Variants in TENM2 observed in about 807,000 individuals in gnomAD.
TENM2 encodes teneurin-2.
TENM2 carries 52 observed loss-of-function variants against 245.2 expected under a neutral mutation model. The ratio of observed to expected loss-of-function variants is 0.21; its 90% confidence interval spans 0.17 to 0.27. TENM2 has a LOEUF of 0.27. Ranked by LOEUF, TENM2 falls within the 10% of genes least tolerant of loss-of-function variation. The pLI, the probability that TENM2 is intolerant of heterozygous loss-of-function variation, is 1.00. For missense variants in TENM2, 3,046 were observed against 3,666.8 expected, an observed-to-expected ratio of 0.83 and a Z score of 4.37; for synonymous variants, 1,363 against 1,438.9, an observed-to-expected ratio of 0.95 and a Z score of 1.19.
chr5:167,321,577 C>T (rs1756724274), intron 1 of TENM2, among the ~76,000 whole-genome samples: 1 of 152,014 alleles, frequency 6.6e-6, no homozygotes, highest in African/African-American at 2.4e-5. Flanking sequence ...CCCTTGTTTC[C>T]AGCCCAGCGG....
chr5:167,472,006 G>A (rs556485546), intron 2 of TENM2, among the ~76,000 whole-genome samples: 74 of 152,264 alleles, frequency 4.9e-4, no homozygotes, highest in African/African-American at 1.5e-3. Flanking sequence ...CAGGTTGCTC[G>A]CCTATCTTTT....
chr5:167,519,882 A>G (rs1052419414), intron 2 of TENM2, among the ~76,000 whole-genome samples: 1 of 152,202 alleles, frequency 6.6e-6, no homozygotes, highest in African/African-American at 2.4e-5. Context: ...ACTAAATTTT[A>G]AGTGAATGTT....
the TENM2 span, among the ~76,000 whole-genome samples, chr5:167,274,489 A>C: frequency 6.6e-6 from 1 of 152,066 alleles, no homozygotes; most frequent in South Asian, 2.1e-4. Flanking sequence ...TTTTGCATGA[A>C]CATAAGTTTT....
chr5:168,156,580 G>C (rs1157576364), intron 12 of TENM2, among the ~76,000 whole-genome samples: 2 of 152,084 alleles, frequency 1.3e-5, no homozygotes, highest in Non-Finnish European at 2.9e-5. Context: ...TTTTAGAAAA[G>C]CCTTTTATGG....
At chr5:167,952,452 A>T in intron 3 of TENM2, 136 bp from the exon 6 acceptor site, 1 of 698,664 alleles carries the variant, frequency 1.4e-6, no homozygotes, top group Non-Finnish European at 2.5e-6. Context: ...CCGCAGTCTT[A>T]TCTGTCGCTC....
In TENM2 at chr5:167,546,881, G is replaced by C. The variant is rs550391314; in HGVS notation, c.502+171408G>C. Among the ~76,000 whole-genome samples the C allele has an allele frequency of 3.9e-5, 6 of 152,070 alleles. No homozygotes were observed. In the East Asian group the frequency reaches 9.7e-4, roughly 25 times the overall value. ...TATTTCTGTCCCTTTCCCCATAATTGACACCTCAATCATTATGCTGGCCTC... is the reference window on the plus strand; with the variant it reads ...TATTTCTGTCCCTTTCCCCATAATTCACACCTCAATCATTATGCTGGCCTC... On this transcript the variant is annotated intron_variant, in intron 2 of 28. Transcript: ENST00000518659.
At position 167,293,777 on chromosome 5, in the gene TENM2, AT is replaced by A. The variant is rs1001291107; in HGVS notation, c.226+8723del. Among the ~76,000 whole-genome samples the A allele has an allele frequency of 2.0e-4, 30 of 151,926 alleles. 1 individual carries two copies. In the South Asian group the frequency reaches 5.8e-3, roughly 30 times the overall value. On this transcript the variant is annotated intron_variant, in intron 1 of 28. Transcript: ENST00000518659. Reference sequence around the variant, plus strand: ...ATGTAGTGTTGCAACAAAAATTTGGATTTTTTTTTAAAATTTGTTAGATTCC... The same window carrying A: ...ATGTAGTGTTGCAACAAAAATTTGGATTTTTTTTAAAATTTGTTAGATTCC...
the TENM2 span, among the ~76,000 whole-genome samples, chr5:167,221,568 C>A: frequency 3.9e-5 from 6 of 152,016 alleles, no homozygotes; most frequent in East Asian, 1.2e-3. Flanking sequence ...TTAAGGAATC[C>A]AAGGAAAAAC....
chr5:167,709,265 C>A (rs975959794), intron 2 of TENM2, among the ~76,000 whole-genome samples: 2 of 152,168 alleles, frequency 1.3e-5, no homozygotes, highest in African/African-American at 4.8e-5. Flanking sequence ...GTTATTTGAT[C>A]TTTTACTCTA....
At chr5:167,406,460 C>T (rs1762642793) in intron 2 of TENM2, among the ~76,000 whole-genome samples, 1 of 152,134 alleles carries the variant, frequency 6.6e-6, no homozygotes, top group Admixed American at 6.6e-5. Flanking sequence ...GGGGCCTGGT[C>T]AAATCCTTGA....
intron 1 of TENM2, among the ~76,000 whole-genome samples, chr5:167,311,550 C>T (rs1224525880): frequency 1.3e-5 from 2 of 152,194 alleles, no homozygotes; most frequent in East Asian, 3.8e-4. Context: ...GGATATATCA[C>T]ACTGTACTTT....
chr5:167,224,314 T>G, the TENM2 span, among the ~76,000 whole-genome samples: 1 of 152,108 alleles, frequency 6.6e-6, no homozygotes, highest in African/African-American at 2.4e-5. Flanking sequence ...AGTGGCTTTA[T>G]TGTTTTGGGT....
intron 2 of TENM2, among the ~76,000 whole-genome samples, chr5:167,533,122 G>C (rs1040230609): frequency 1.3e-5 from 2 of 152,072 alleles, no homozygotes; most frequent in Non-Finnish European, 2.9e-5. Context: ...AGATAGGAAG[G>C]TAAAAGATTC....
intron 2 of TENM2, among the ~76,000 whole-genome samples, chr5:167,549,921 T>G (rs755520689): frequency 6.6e-6 from 1 of 152,152 alleles, no homozygotes; most frequent in South Asian, 2.1e-4. Flanking sequence ...GGCATTTCCT[T>G]TGAATGAAAA....
At chr5:167,254,210 G>A in the TENM2 span, among the ~76,000 whole-genome samples, 1 of 152,118 alleles carries the variant, frequency 6.6e-6, no homozygotes. Flanking sequence ...GAACCAGGGG[G>A]AGAAAAGGTG....
intron 12 of TENM2, among the ~76,000 whole-genome samples, chr5:168,157,846 G>A (rs1346891059): frequency 6.6e-6 from 1 of 152,148 alleles, no homozygotes; most frequent in Non-Finnish European, 1.5e-5. Context: ...CAGGTCTAGA[G>A]GTCAGAAGAC....
At chr5:168,002,127 C>A (rs1324176639) in intron 5 of TENM2, among the ~76,000 whole-genome samples, 1 of 152,016 alleles carries the variant, frequency 6.6e-6, no homozygotes, top group Non-Finnish European at 1.5e-5. Context: ...TTCTAAAAAC[C>A]AAAGCCATGG....
rs2151924435 is a variant in TENM2, at chr5:167,971,571, C to T, written c.947+18749C>T. 2.0e-5 allele frequency among the ~76,000 whole-genome samples: 3 copies of T among 152,124 alleles called. No homozygotes were observed. In the Middle Eastern group the frequency reaches 0.01, roughly 517 times the overall value. On this transcript the variant is annotated intron_variant, in intron 4 of 28. Coordinates refer to ENST00000518659, the Ensembl canonical transcript of TENM2. ...CTAAAATTAGCCAGGCGTGGTGGTG[C>T]ACGCCTATAATCCCAGCTACTTGGG...
chr5:167,700,117 G>A lies in TENM2; in HGVS notation c.503-175869G>A, dbSNP rs181073574. The stretch of plus-strand genomic sequence containing the variant: ...AGAAAAAAATTTGCAAAGACACTTA[G>A]TGTCTCTGAAAAGATAGAACAGGCT... On this transcript the variant is annotated intron_variant, in intron 2 of 28. Transcript: ENST00000518659. 4.2e-4 allele frequency among the ~76,000 whole-genome samples: 64 copies of A among 152,216 alleles called. 1 individual carries two copies. In the East Asian group the frequency reaches 0.012, roughly 28 times the overall value.
Sources: allele counts gnomAD v4.1 joint callset (sites outside exome capture counted in the v4.1 genomes callset), GRCh38; gene constraint gnomAD v4.1.1; transcripts MANE v1.5; gene names NCBI Gene and HGNC (gene_info 2026-07-23, HGNC 2026-07-21).